The following NLGN1 variants were observed in gnomAD, a reference collection of about 807,000 sequenced individuals.
NLGN1 encodes the protein neuroligin 1, also known as neuroligin-1.
Under a neutral mutation model 65.5 loss-of-function variants are expected in NLGN1, and 12 were observed. The observed-to-expected ratio is 0.18, with a 90% CI of 0.12 to 0.30. The LOEUF (loss-of-function observed/expected upper bound fraction) is 0.30, where lower values mean the gene tolerates loss of function less well. Ranked by LOEUF, NLGN1 falls within the 10% of genes least tolerant of loss-of-function variation. The probability of loss-of-function intolerance (pLI) is 1.00; values close to 1 mark genes in which losing one functional copy is unlikely to be tolerated. For synonymous variants in NLGN1, 350 were observed against 359.5 expected (o/e 0.97, Z 0.30); for missense variants, 750 against 1,007.1 (o/e 0.74, Z 3.46).
intron 3 of NLGN1, among the ~76,000 whole-genome samples, chr3:173,648,687 G>C (rs984968147): frequency 6.6e-6 from 1 of 151,812 alleles, no homozygotes; most frequent in African/African-American, 2.4e-5. Context: ...CCATTCTTGT[G>C]TCTCACCTTC....
intron 4 of NLGN1, among the ~76,000 whole-genome samples, chr3:174,247,061 T>C (rs1250804545): frequency 6.6e-6 from 1 of 152,218 alleles, no homozygotes; most frequent in Admixed American, 6.5e-5. Flanking sequence ...AATCTTAAGG[T>C]TGATACATCT....
chr3:173,646,927 C>T (rs1025041986), intron 3 of NLGN1, among the ~76,000 whole-genome samples: 1 of 152,004 alleles, frequency 6.6e-6, no homozygotes, highest in Non-Finnish European at 1.5e-5. Context: ...AAAATTAAAA[C>T]ATTTTTGCTG....
At chr3:173,685,936 T>A (rs2149802209) in intron 3 of NLGN1, 4 of 416,536 alleles carry the variant, frequency 9.6e-6, no homozygotes, top group Non-Finnish European at 1.3e-5. Flanking sequence ...GATGTGGGAG[T>A]ACGTGGACTA....
At chr3:174,183,020 C>T (rs1730727944) in intron 4 of NLGN1, among the ~76,000 whole-genome samples, 1 of 152,128 alleles carries the variant, frequency 6.6e-6, no homozygotes, top group Admixed American at 6.6e-5. Flanking sequence ...ATGGAAGGCC[C>T]TTCCCAATTG....
chr3:173,963,538 A>C (rs1392141839), intron 4 of NLGN1, among the ~76,000 whole-genome samples: 1 of 152,130 alleles, frequency 6.6e-6, no homozygotes, highest in Non-Finnish European at 1.5e-5. Context: ...TATGTGATAG[A>C]AGTTGAAGTC....
rs531572238 is a variant in NLGN1, at chr3:174,013,793, C to T, written c.646+205961C>T. ...AGATGAGGTGATCATGGCTCACTGCCGCAGCCTCAACATGCTGGGCTCACT... is the reference window on the plus strand; with the variant it reads ...AGATGAGGTGATCATGGCTCACTGCTGCAGCCTCAACATGCTGGGCTCACT... On this transcript the variant is annotated intron_variant, in intron 4 of 6. Coordinates refer to ENST00000457714, the Ensembl canonical transcript of NLGN1. Among the ~76,000 whole-genome samples, 5 of 152,216 alleles carry T rather than the reference C, an allele frequency of 3.3e-5. No homozygotes were observed. The South Asian group carries it at 6.2e-4, about 19-fold the overall frequency.
chr3:173,536,831 A>C (rs1040302422), intron 2 of NLGN1, among the ~76,000 whole-genome samples: 1 of 152,082 alleles, frequency 6.6e-6, no homozygotes, highest in African/African-American at 2.4e-5. Context: ...ATGATTATAG[A>C]GGCTGACATG....
At chr3:173,445,286 A>C (rs1215129298) in intron 2 of NLGN1, among the ~76,000 whole-genome samples, 5 of 151,596 alleles carry the variant, frequency 3.3e-5, no homozygotes, top group South Asian at 4.2e-4. Context: ...AAAAAAAAAA[A>C]AAAAAAAAAC....
chr3:174,001,758 G>A (rs551677618), intron 4 of NLGN1, among the ~76,000 whole-genome samples: 21 of 152,236 alleles, frequency 1.4e-4, no homozygotes, highest in African/African-American at 5.1e-4. Flanking sequence ...GATGATGGTG[G>A]TGGTGACAAG....
intron 3 of NLGN1, among the ~76,000 whole-genome samples, chr3:173,611,133 T>A (rs1438779169): frequency 2.6e-5 from 4 of 152,138 alleles, no homozygotes; most frequent in African/African-American, 9.6e-5. Context: ...GGGGTTCTGC[T>A]GTTATCTGAT....
intron 2 of NLGN1, among the ~76,000 whole-genome samples, chr3:173,539,980 C>G (rs1247618833): frequency 6.7e-6 from 1 of 150,266 alleles, no homozygotes. Flanking sequence ...AGTAGGGCAA[C>G]TTTATAATGG....
chr3:174,109,375 T>A (rs1359754692), intron 4 of NLGN1, among the ~76,000 whole-genome samples: 1 of 152,060 alleles, frequency 6.6e-6, no homozygotes, highest in East Asian at 1.9e-4. Flanking sequence ...AGTTTGCACG[T>A]AAAGTCACTG....
rs748911027 is a variant in NLGN1 at position 174,234,985 on chromosome 3, C to CTTTTTTTTTTTTTTTT, written c.647-40315_647-40300dup. 1.2e-4 allele frequency among the ~76,000 whole-genome samples: 8 copies of CTTTTTTTTTTTTTTTT among 65,748 alleles called. 1 individual carries two copies. The highest frequency in any genetic ancestry group is 4.5e-4 in the East Asian group (1 of 2,222). The allele number at this position is 65,748 out of a possible 152,430, so 43.1% of individuals were successfully genotyped here. ...GAGCTTTGTAAAATAAAGGAATCAC[C>CTTTTTTTTTTTTTTTT]TTTTTTTTTTTTTTTTTTTTTTTTT... On this transcript the variant is annotated intron_variant, in intron 4 of 6. Transcript: ENST00000457714.
chr3:173,890,957 C>G (rs147104285), intron 4 of NLGN1, among the ~76,000 whole-genome samples: 3 of 152,250 alleles, frequency 2.0e-5, no homozygotes, highest in Non-Finnish European at 4.4e-5. Flanking sequence ...AATCCTTCAT[C>G]ATTGAGTGTT....
chr3:174,265,273 C>A (rs1052422936), intron 4 of NLGN1, among the ~76,000 whole-genome samples: 1 of 151,618 alleles, frequency 6.6e-6, no homozygotes, highest in Non-Finnish European at 1.5e-5. Context: ...GCGCCACTCC[C>A]CCAGCCTCGC....
chr3:173,747,879 T>A (rs1245576411), intron 3 of NLGN1, among the ~76,000 whole-genome samples: 1 of 139,018 alleles, frequency 7.2e-6, no homozygotes, highest in Non-Finnish European at 1.5e-5. Context: ...AGTGGCATGA[T>A]CTCAGCTCAC....
Position 174,279,342 on chromosome 3 carries a change from T to C in NLGN1, c.1341T>C (p.His447=). 1 of 1,613,464 alleles carries C rather than the reference T, an allele frequency of 6.2e-7. No homozygotes were observed. The highest frequency in any genetic ancestry group is 8.5e-7 in the Non-Finnish European group (1 of 1,179,616). The change falls in exon 6 of 7, where the codon CAT becomes CAC. Residue 447 remains histidine (H), a synonymous_variant. Coordinates refer to ENST00000457714, the Ensembl canonical transcript of NLGN1. The surrounding 1 kb of genome is among the most constrained non-coding windows in gnomAD (Gnocchi z 4.7). The stretch of plus-strand genomic sequence containing the variant: ...TGTATACTGACTGGGCTGACCGTCA[T>C]AACCCTGAAACCAGAAGAAAGACAT...
At chr3:174,130,411 G>A (rs992346306) in intron 4 of NLGN1, among the ~76,000 whole-genome samples, 3 of 151,886 alleles carry the variant, frequency 2.0e-5, no homozygotes, top group Non-Finnish European at 4.4e-5. Flanking sequence ...ATAGTAGATC[G>A]CCCTCACCCC....
chr3:173,623,748 TAA>T (rs1754388821), intron 3 of NLGN1, among the ~76,000 whole-genome samples: 1 of 152,116 alleles, frequency 6.6e-6, no homozygotes, highest in Admixed American at 6.6e-5. Context: ...GTGACATGAT[TAA>T]AAGTGTTTTA....
Sources: gnomAD v4.1 joint callset for allele counts (sites outside exome capture counted in the v4.1 genomes callset) on GRCh38, gnomAD v4.1.1 for gene constraint, Gnocchi (gnomAD v3.1) non-coding constraint, MANE v1.5 for transcripts, NCBI Gene and HGNC (gene_info 2026-07-23, HGNC 2026-07-21) for gene names.